Variants in PBX1 observed in about 807,000 individuals in gnomAD.
PBX1 encodes pre-B-cell leukemia transcription factor 1.
Under a neutral mutation model 53.4 loss-of-function variants are expected in PBX1, and 6 were observed. That is an observed-to-expected ratio of 0.11 (90% CI 0.06 to 0.22). The LOEUF (loss-of-function observed/expected upper bound fraction) is 0.22, where lower values mean the gene tolerates loss of function less well. PBX1 is among the 10% of genes least tolerant of loss of function. The probability of loss-of-function intolerance (pLI) is 1.00; values close to 1 mark genes in which losing one functional copy is unlikely to be tolerated. For synonymous variants in PBX1, 204 were observed against 212.3 expected, an observed-to-expected ratio of 0.96 and a Z score of 0.34; for missense variants, 251 against 551.4, an observed-to-expected ratio of 0.46 and a Z score of 5.46.
chr1:164,859,700 C>A (rs1363995044), intron 2 of PBX1, among the ~76,000 whole-genome samples: 3 of 152,184 alleles, frequency 2.0e-5, no homozygotes, highest in Non-Finnish European at 2.9e-5. Context: ...ATCAGCCTTG[C>A]ATTTCTTCAA....
At position 164,559,694 on chromosome 1, in the gene PBX1, T is replaced by TA. The variant is rs1652880656; in HGVS notation, c.-129_-128insA. On this transcript the variant is annotated 5_prime_UTR_variant, in exon 1 of 9. Coordinates refer to ENST00000420696, the MANE Select transcript of PBX1 (RefSeq NM_002585.4). The stretch of plus-strand genomic sequence containing the variant: ...TTTTTTTTTCTTTTGGTCTTCTTTT[T>TA]TCCCCCTTCCCTGTTTATCCTGAAA... 1 of 628,422 alleles carries TA rather than the reference T, an allele frequency of 1.6e-6. No homozygotes were observed. The highest frequency in any genetic ancestry group is 2.5e-6 in the Non-Finnish European group (1 of 394,222). The allele number at this position is 628,422 out of a possible 1,614,324, so 38.9% of individuals were successfully genotyped here. A position where few individuals can be genotyped will look rare whatever the true frequency, so the allele number is the denominator to read the frequency against.
chr1:164,747,815 C>T (rs1198959663), intron 2 of PBX1, among the ~76,000 whole-genome samples: 1 of 152,150 alleles, frequency 6.6e-6, no homozygotes, highest in African/African-American at 2.4e-5. Flanking sequence ...GGAATTGTGT[C>T]TAGCCCTAGG....
chr1:164,561,835 A>G (rs1653070650), intron 1 of PBX1, among the ~76,000 whole-genome samples: 1 of 152,142 alleles, frequency 6.6e-6, no homozygotes, highest in Non-Finnish European at 1.5e-5. Flanking sequence ...CAATATTTTT[A>G]TAAAGCTGTG....
At chr1:164,774,233 T>C (rs536715339) in intron 2 of PBX1, among the ~76,000 whole-genome samples, 5 of 152,180 alleles carry the variant, frequency 3.3e-5, no homozygotes, top group Non-Finnish European at 7.4e-5. Flanking sequence ...TTGGGAAGCT[T>C]CAAAAAATTC....
chr1:164,600,886 C>G (rs1471089541), intron 2 of PBX1, among the ~76,000 whole-genome samples: 1 of 152,164 alleles, frequency 6.6e-6, no homozygotes, highest in Non-Finnish European at 1.5e-5. Context: ...TTGTCATCTT[C>G]ATACCTGAGG....
At chr1:164,864,465 T>C (rs1319856685) in intron 2 of PBX1, among the ~76,000 whole-genome samples, 1 of 152,166 alleles carries the variant, frequency 6.6e-6, no homozygotes, top group Non-Finnish European at 1.5e-5. Context: ...ATTTATTTAT[T>C]TGTTTGCTTT....
At chr1:164,601,243 A>G (rs894021687) in intron 2 of PBX1, among the ~76,000 whole-genome samples, 19 of 148,662 alleles carry the variant, frequency 1.3e-4, no homozygotes, top group African/African-American at 4.2e-4. Flanking sequence ...CTCAAAAAAA[A>G]AAAAAAAAAA....
intron 2 of PBX1, among the ~76,000 whole-genome samples, chr1:164,720,979 AAGG>A (rs1182037520): frequency 6.6e-6 from 1 of 152,082 alleles, no homozygotes; most frequent in Non-Finnish European, 1.5e-5. Flanking sequence ...GAGCAGGGGG[AAGG>A]AGCCTCTCTC....
intron 2 of PBX1, among the ~76,000 whole-genome samples, chr1:164,578,567 A>G (rs1654409835): frequency 6.6e-6 from 1 of 152,064 alleles, no homozygotes. Context: ...GATATGTGTG[A>G]GTTGTGGCCC....
chr1:164,810,767 T>C (rs1052362279), intron 5 of PBX1, among the ~76,000 whole-genome samples: 3 of 152,218 alleles, frequency 2.0e-5, no homozygotes, highest in Non-Finnish European at 4.4e-5. Flanking sequence ...AGTTTACCTC[T>C]TTTTCTGTAG....
intron 2 of PBX1, among the ~76,000 whole-genome samples, chr1:164,750,145 G>GGTGTGT (rs10665357): frequency 0.086 from 12,130 of 140,704 alleles, 573 homozygotes; most frequent in South Asian, 0.23. Flanking sequence ...GGGGCTAGTT[G>GGTGTGT]GTGTGTGTGT....
chr1:164,855,978 C>A (rs557004687), downstream of PBX1, among the ~76,000 whole-genome samples: 1 of 152,306 alleles, frequency 6.6e-6, no homozygotes, highest in Non-Finnish European at 1.5e-5. Context: ...TGAGATTTAT[C>A]TTGATTTCCA....
downstream of PBX1, among the ~76,000 whole-genome samples, chr1:164,853,671 G>A (rs1165707691): frequency 6.6e-6 from 1 of 152,152 alleles, no homozygotes; most frequent in African/African-American, 2.4e-5. Context: ...CCGAGCCTGT[G>A]GTCATTAGGA....
At chr1:164,645,243 C>T (rs1290235819) in intron 2 of PBX1, among the ~76,000 whole-genome samples, 2 of 152,162 alleles carry the variant, frequency 1.3e-5, no homozygotes, top group African/African-American at 2.4e-5. Flanking sequence ...GATTCCCCCC[C>T]TTCTTTTGGT....
At chr1:164,801,863 C>G (rs574566042) in intron 4 of PBX1, among the ~76,000 whole-genome samples, 101 of 152,350 alleles carry the variant, frequency 6.6e-4, no homozygotes, top group Non-Finnish European at 7.5e-4. Flanking sequence ...TAAGGCTGAG[C>G]AAATGGCCTT....
At chr1:164,615,423 T>G (rs1035660166) in intron 2 of PBX1, among the ~76,000 whole-genome samples, 1 of 152,138 alleles carries the variant, frequency 6.6e-6, no homozygotes, top group Non-Finnish European at 1.5e-5. Context: ...ATAACATTCT[T>G]TTTTTTAGAA....
chr1:164,798,821 A>C (rs1668913981), intron 3 of PBX1, among the ~76,000 whole-genome samples: 1 of 152,238 alleles, frequency 6.6e-6, no homozygotes, highest in Non-Finnish European at 1.5e-5. Flanking sequence ...TGTTATAGAC[A>C]TAGTGGATCT....
intron 8 of PBX1, chr1:164,829,859 A>G (rs537347648): frequency 1.3e-5 from 2 of 152,274 alleles, no homozygotes; most frequent in East Asian, 3.9e-4. Flanking sequence ...AACATACAAG[A>G]TATGACAATG....
intron 2 of PBX1, among the ~76,000 whole-genome samples, chr1:164,792,207 C>T (rs985330064): frequency 6.6e-6 from 1 of 152,166 alleles, no homozygotes; most frequent in African/African-American, 2.4e-5. Context: ...TAGCTCCCCA[C>T]TCCTCCCCAC....
Sources: gnomAD v4.1 joint callset for allele counts (sites outside exome capture counted in the v4.1 genomes callset) on GRCh38, gnomAD v4.1.1 for gene constraint, MANE v1.5 for transcripts, NCBI Gene and HGNC (gene_info 2026-07-23, HGNC 2026-07-21) for gene names.